The following GSG1L variants were observed in gnomAD, a reference collection of about 807,000 sequenced individuals.
The protein encoded by GSG1L is germ cell-specific gene 1-like protein.
In GSG1L, 24 loss-of-function variants were observed where a neutral mutation model predicts 42.1. That is an observed-to-expected ratio of 0.57 (90% confidence interval 0.41 to 0.80). GSG1L has a LOEUF of 0.80. Among genes scored for constraint, GSG1L ranks in the 30% least tolerant of loss-of-function variants. The probability of loss-of-function intolerance (pLI) is 0.00; values close to 1 mark genes in which losing one functional copy is unlikely to be tolerated. For synonymous variants in GSG1L, 215 were observed against 203.5 expected (o/e 1.06, Z -0.48); for missense variants, 445 against 472.2 (o/e 0.94, Z 0.53).
intron 2 of GSG1L, among the ~76,000 whole-genome samples, chr16:27,931,483 C>T (rs2084657254): frequency 6.6e-6 from 1 of 152,172 alleles, no homozygotes; most frequent in Non-Finnish European, 1.5e-5. Context: ...TACTCAGAGG[C>T]ACTCCTCATC....
intron 1 of GSG1L, among the ~76,000 whole-genome samples, chr16:28,034,955 G>A (rs2086015251): frequency 6.6e-6 from 1 of 152,168 alleles, no homozygotes; most frequent in South Asian, 2.1e-4. Context: ...AGAGAGGAGT[G>A]CCTAGCACAC....
intron 2 of GSG1L, among the ~76,000 whole-genome samples, chr16:27,960,072 G>A (rs2085051675): frequency 6.6e-6 from 1 of 152,050 alleles, no homozygotes; most frequent in Non-Finnish European, 1.5e-5. Flanking sequence ...ATGGGAATGG[G>A]GAAGTGGCAT....
At chr16:27,813,521 G>A (rs979160732) in intron 5 of GSG1L, among the ~76,000 whole-genome samples, 6 of 152,212 alleles carry the variant, frequency 3.9e-5, no homozygotes, top group South Asian at 2.1e-4. Flanking sequence ...TGTGAAGAGC[G>A]CTGCTGACCT....
intron 1 of GSG1L, among the ~76,000 whole-genome samples, chr16:27,966,324 C>T (rs143377684): frequency 0.014 from 2,155 of 152,142 alleles, 182 homozygotes; most frequent in Admixed American, 0.13. Context: ...AGCAAGAAAG[C>T]GAGACCCCAT....
chr16:28,009,987 G>GCA (rs368279130), intron 1 of GSG1L, among the ~76,000 whole-genome samples: 5,761 of 151,860 alleles, frequency 0.038, 336 homozygotes, highest in African/African-American at 0.13. Context: ...ATGTCCTCAT[G>GCA]CACACACACA....
At chr16:27,946,655 GAAAAGAAAGAAA>G (rs2084874278) in intron 2 of GSG1L, among the ~76,000 whole-genome samples, 1 of 66,786 alleles carries the variant, frequency 1.5e-5, no homozygotes, top group African/African-American at 5.2e-5. Context: ...AAGAAAGAAA[GAAAAGAAAGAAA>G]GAAAGAAAGA....
chr16:28,059,488 C>G lies in GSG1L; in HGVS notation c.349+3588G>C, dbSNP rs1027801706. On this transcript the variant is annotated intron_variant, in intron 1 of 6. Coordinates refer to ENST00000447459, the MANE Select transcript of GSG1L (RefSeq NM_001109763.2). The surrounding 1 kb of genome is among the most constrained non-coding windows in gnomAD (Gnocchi z 4.4). ...CCCCCAAGACCCCTCCACCTCCCCCCAATCTTCCCAAGCCACCCCTTTCCT... is the reference window on the plus strand; with the variant it reads ...CCCCCAAGACCCCTCCACCTCCCCCGAATCTTCCCAAGCCACCCCTTTCCT... Among the ~76,000 whole-genome samples the G allele has an allele frequency of 6.6e-6, 1 of 151,966 alleles. No individual in the cohort carries two copies. The highest frequency in any genetic ancestry group is 2.4e-5 in the African/African-American group (1 of 41,348).
intron 1 of GSG1L, among the ~76,000 whole-genome samples, chr16:27,975,129 CG>C (rs746811723): frequency 6.6e-6 from 1 of 152,072 alleles, no homozygotes; most frequent in African/African-American, 2.4e-5. Context: ...CTGATGCTGC[CG>C]GCCTGGGAAC....
intron 2 of GSG1L, among the ~76,000 whole-genome samples, chr16:27,916,343 T>A (rs918239469): frequency 5.3e-5 from 8 of 152,032 alleles, no homozygotes; most frequent in African/African-American, 1.4e-4. Context: ...AGAGACAGAG[T>A]CTTGCTGTGT....
At chr16:27,804,007 A>T (rs532635358) in intron 6 of GSG1L, among the ~76,000 whole-genome samples, 22 of 150,032 alleles carry the variant, frequency 1.5e-4, no homozygotes, top group Admixed American at 5.3e-4. Flanking sequence ...TGAATAATAG[A>T]TGGATGATGG....
chr16:27,792,743 G>A (rs555609137), intron 6 of GSG1L, among the ~76,000 whole-genome samples: 3 of 152,290 alleles, frequency 2.0e-5, no homozygotes, highest in South Asian at 4.1e-4. Context: ...ATGCACCCCT[G>A]TGGACCAGTG....
chr16:28,007,985 A>G (rs2085665255), intron 1 of GSG1L, among the ~76,000 whole-genome samples: 2 of 152,190 alleles, frequency 1.3e-5, no homozygotes, highest in Admixed American at 6.5e-5. Context: ...GTACTATAGA[A>G]ACTGCACGCA....
At chr16:28,037,406 C>A (rs2086052524) in intron 1 of GSG1L, among the ~76,000 whole-genome samples, 1 of 152,202 alleles carries the variant, frequency 6.6e-6, no homozygotes, top group Non-Finnish European at 1.5e-5. Context: ...CCTCAGTTTC[C>A]TCGTGGAGAA....
At chr16:28,042,392 C>T (rs984490900) in intron 1 of GSG1L, among the ~76,000 whole-genome samples, 5 of 150,044 alleles carry the variant, frequency 3.3e-5, no homozygotes, top group Non-Finnish European at 5.9e-5. Context: ...ACTGAGATCA[C>T]TCCACTGCAC....
At chr16:27,803,784 T>TATATATAG (rs2082913784) in intron 6 of GSG1L, among the ~76,000 whole-genome samples, 1 of 92,136 alleles carries the variant, frequency 1.1e-5, no homozygotes, top group African/African-American at 4.6e-5. Context: ...TATATATATA[T>TATATATAG]ATATATATAT....
At chr16:27,942,513 T>C (rs2084812640) in intron 2 of GSG1L, among the ~76,000 whole-genome samples, 1 of 151,850 alleles carries the variant, frequency 6.6e-6, no homozygotes, top group African/African-American at 2.4e-5. Flanking sequence ...AAAAGGTATT[T>C]GCAACATATA....
intron 1 of GSG1L, among the ~76,000 whole-genome samples, chr16:28,048,191 G>C (rs2086185192): frequency 6.6e-6 from 1 of 152,018 alleles, no homozygotes; most frequent in Admixed American, 6.6e-5. Flanking sequence ...TGTTGTCACT[G>C]CACTCCAGCC....
chr16:28,045,433 T>C (rs1200049916), intron 1 of GSG1L, among the ~76,000 whole-genome samples: 2 of 152,180 alleles, frequency 1.3e-5, no homozygotes, highest in East Asian at 1.9e-4. Context: ...TCCAGCACTG[T>C]GGGAGGCCAA....
chr16:27,970,992 G>C (rs1235183880), intron 1 of GSG1L, among the ~76,000 whole-genome samples: 1 of 152,142 alleles, frequency 6.6e-6, no homozygotes, highest in South Asian at 2.1e-4. Context: ...TATACTCTCA[G>C]TTCTATTCCA....
Sources: gnomAD v4.1 joint callset for allele counts (sites outside exome capture counted in the v4.1 genomes callset) on GRCh38, gnomAD v4.1.1 for gene constraint, Gnocchi (gnomAD v3.1) non-coding constraint, MANE v1.5 for transcripts, NCBI Gene and HGNC (gene_info 2026-07-23, HGNC 2026-07-21) for gene names.